The following UBE2R2 variants were observed in gnomAD, a reference collection of about 807,000 sequenced individuals.
UBE2R2 encodes ubiquitin-conjugating enzyme E2 R2.
A neutral mutation model predicts 27.8 loss-of-function variants in UBE2R2; 1 was observed. That is an observed-to-expected ratio of 0.04 (90% confidence interval 0.01 to 0.17). The LOEUF is 0.17. Among genes scored for constraint, UBE2R2 ranks in the 10% least tolerant of loss-of-function variants. The pLI, the probability that UBE2R2 is intolerant of heterozygous loss-of-function variation, is 1.00. For missense variants in UBE2R2, 100 were observed against 291.0 expected (o/e 0.34, Z 4.78); for synonymous variants, 106 against 113.3 (o/e 0.94, Z 0.41).
At chr9:33,892,717 A>C (rs1395442288) in intron 2 of UBE2R2, among the ~76,000 whole-genome samples, 1 of 152,150 alleles carries the variant, frequency 6.6e-6, no homozygotes, top group Non-Finnish European at 1.5e-5. Context: ...TTCTCTTAAC[A>C]TTTTAAGATA....
rs879525855 is a variant in UBE2R2, at chr9:33,917,072, C to T, written c.552C>T (p.Pro184=). ...CAGAAAAGGATGGAGTGAAGGTCCCCACAACCCTGGCGGAATACTGCATCA... is the reference window on the plus strand; with the variant it reads ...CAGAAAAGGATGGAGTGAAGGTCCCTACAACCCTGGCGGAATACTGCATCA... ...AEAEKDGVKV[P]TTLAEYCIKT... is the part of the protein sequence containing the mutation. The change falls in exon 5 of 5, where the codon CCC becomes CCT. Residue 184 remains proline, a synonymous_variant. Transcript: ENST00000263228. The T allele has an allele frequency of 4.3e-6, 7 of 1,614,226 alleles. No individual in the cohort carries two copies. The highest frequency in any genetic ancestry group is 5.9e-6 in the Non-Finnish European group (7 of 1,180,040).
chr9:33,817,274 CGCT>C lies in UBE2R2; in HGVS notation c.-483_-481del, dbSNP rs1825807017. Among the ~76,000 whole-genome samples, 1 of 148,582 alleles carries C rather than the reference CGCT, an allele frequency of 6.7e-6. No homozygotes were observed. The highest frequency in any genetic ancestry group is 1.5e-5 in the Non-Finnish European group (1 of 66,544). On this transcript the variant is annotated 5_prime_UTR_variant, in exon 1 of 5. Coordinates refer to ENST00000263228, the MANE Select transcript of UBE2R2 (RefSeq NM_017811.4). ...CCACCGCCGCGAGACCCCCGCACGC[CGCT>C]CTCCCCCCACCCTCTCCTGCCCCGC...
intron 1 of UBE2R2, among the ~76,000 whole-genome samples, chr9:33,837,414 C>G (rs1301238843): frequency 1.4e-5 from 2 of 139,176 alleles, no homozygotes; most frequent in African/African-American, 5.4e-5. Flanking sequence ...TAGGCAGCTG[C>G]TGCTTCTTTT....
Position 33,817,699 on chromosome 9 carries a change from C to G in UBE2R2, c.-59C>G. Reference sequence around the variant, plus strand: ...CGGAGGGGAGGGGCCTGGTCCGGCCCGGCCGGTGCGTGAGGACTGGGGCCC... The same window carrying G: ...CGGAGGGGAGGGGCCTGGTCCGGCCGGGCCGGTGCGTGAGGACTGGGGCCC... On this transcript the variant is annotated 5_prime_UTR_variant, in exon 1 of 5. Transcript: ENST00000263228. 7.5e-7 allele frequency: 1 copy of G among 1,341,060 alleles called. No homozygotes were observed. Among genetic ancestry groups the G allele is most frequent in the East Asian group, 3.5e-5 (1 of 28,176 alleles). The allele number at this position is 1,341,060 out of a possible 1,614,324, so 83.1% of individuals were successfully genotyped here.
intron 1 of UBE2R2, among the ~76,000 whole-genome samples, chr9:33,859,718 G>T (rs1346089882): frequency 6.7e-6 from 1 of 150,014 alleles, no homozygotes; most frequent in Non-Finnish European, 1.5e-5. Flanking sequence ...TTAAATGTAG[G>T]TTTAATGTTT....
At chr9:33,869,637 C>T (rs559553687) in intron 1 of UBE2R2, among the ~76,000 whole-genome samples, 17 of 151,740 alleles carry the variant, frequency 1.1e-4, no homozygotes, top group Admixed American at 5.3e-4. Flanking sequence ...TTAGTAGAGA[C>T]GGGGTTTTCA....
intron 1 of UBE2R2, chr9:33,831,114 A>C (rs1294339616): frequency 6.6e-6 from 1 of 150,486 alleles, no homozygotes; most frequent in Non-Finnish European, 1.5e-5. Context: ...GTAAAGTTAT[A>C]AAAACTTGGA....
rs1227586859 is a variant in UBE2R2, at chr9:33,817,757, G to C, written c.-1G>C. 2.6e-6 allele frequency: 4 copies of C among 1,539,446 alleles called. No homozygotes were observed. The highest frequency in any genetic ancestry group is 3.5e-6 in the Non-Finnish European group (4 of 1,145,612). ...GCGCCGCCGCCGCCGCCGCCGCCGC[G>C]ATGGCCCAGCAGCAGATGACCAGCT... On this transcript the variant is annotated 5_prime_UTR_variant, in exon 1 of 5. Coordinates refer to ENST00000263228, the MANE Select transcript of UBE2R2 (RefSeq NM_017811.4).
intron 1 of UBE2R2, among the ~76,000 whole-genome samples, chr9:33,827,010 G>C (rs961590104): frequency 6.6e-6 from 1 of 152,150 alleles, no homozygotes; most frequent in African/African-American, 2.4e-5. Context: ...TTGAACCCAG[G>C]CCAATCGCTT....
At chr9:33,909,569 A>AGTC (rs1446502405) in intron 3 of UBE2R2, among the ~76,000 whole-genome samples, 1 of 152,180 alleles carries the variant, frequency 6.6e-6, no homozygotes, top group Non-Finnish European at 1.5e-5. Flanking sequence ...GTACTTAAGG[A>AGTC]GTCCAAGGCA....
chr9:33,854,449 A>G (rs1821050607), intron 1 of UBE2R2, among the ~76,000 whole-genome samples: 2 of 151,986 alleles, frequency 1.3e-5, no homozygotes, highest in Non-Finnish European at 2.9e-5. Context: ...CCTCCCAAGT[A>G]GCTGTGGTTA....
At chr9:33,871,135 T>C (rs1821476411) in intron 1 of UBE2R2, among the ~76,000 whole-genome samples, 1 of 152,256 alleles carries the variant, frequency 6.6e-6, no homozygotes, top group Non-Finnish European at 1.5e-5. Flanking sequence ...TATTTCACTG[T>C]GCTCTTTAAG....
intron 1 of UBE2R2, among the ~76,000 whole-genome samples, chr9:33,861,110 C>T (rs1821225188): frequency 6.6e-6 from 1 of 151,534 alleles, no homozygotes; most frequent in Admixed American, 6.6e-5. Context: ...AGGCGCCCGC[C>T]ACCACGCCCG....
At position 33,915,419 on chromosome 9, in the gene UBE2R2, A is replaced by G. The variant is rs140226280; in HGVS notation, c.498-1599A>G. ...TTTATATAAGCCAAGAGCTGTCAGC[A>G]TAAAGGGAGTGGTGGTTAAAATTAT... On this transcript the variant is annotated intron_variant, in intron 4 of 4. Transcript: ENST00000263228. Among the ~76,000 whole-genome samples, 5 of 152,332 alleles carry G rather than the reference A, an allele frequency of 3.3e-5. No homozygotes were observed. The East Asian group carries it at 5.8e-4, about 18-fold the overall frequency.
intron 4 of UBE2R2, among the ~76,000 whole-genome samples, chr9:33,912,469 C>T (rs1461769823): frequency 6.6e-6 from 1 of 151,804 alleles, no homozygotes; most frequent in Non-Finnish European, 1.5e-5. Context: ...ACTAAAAATA[C>T]AAAAATTAGC....
Position 33,917,006 on chromosome 9 carries a change from AC to A in UBE2R2, c.498-10del. 1.2e-6 allele frequency: 2 copies of A among 1,613,944 alleles called. No individual in the cohort carries two copies. Among genetic ancestry groups the A allele is most frequent in the Non-Finnish European group, 1.7e-6 (2 of 1,179,978 alleles). On this transcript the variant is annotated splice_polypyrimidine_tract_variant and intron_variant, in intron 4 of 4. Coordinates refer to ENST00000263228, the MANE Select transcript of UBE2R2 (RefSeq NM_017811.4). ...CTTACCGTAAACCATTTCTGTGTCA[AC>A]CTCCCTTCAGGAAACAAGTTTCAGC...
At chr9:33,883,350 T>A (rs1821774651) in intron 1 of UBE2R2, among the ~76,000 whole-genome samples, 1 of 152,186 alleles carries the variant, frequency 6.6e-6, no homozygotes, top group Non-Finnish European at 1.5e-5. Flanking sequence ...CCATTTTGGA[T>A]GCCTATGGCA....
At chr9:33,909,904 G>A (rs1318560500) in intron 3 of UBE2R2, among the ~76,000 whole-genome samples, 2 of 152,202 alleles carry the variant, frequency 1.3e-5, no homozygotes, top group East Asian at 1.9e-4. Context: ...GAAATTCTTC[G>A]CCTTTTTAAG....
At chr9:33,911,689 C>T (rs1341580284) in intron 3 of UBE2R2, among the ~76,000 whole-genome samples, 1 of 152,130 alleles carries the variant, frequency 6.6e-6, no homozygotes, top group African/African-American at 2.4e-5. Context: ...TACCCTTATA[C>T]TAGAATCACA....
Sources: gnomAD v4.1 joint callset for allele counts (sites outside exome capture counted in the v4.1 genomes callset) on GRCh38, gnomAD v4.1.1 for gene constraint, MANE v1.5 for transcripts, NCBI Gene and HGNC (gene_info 2026-07-23, HGNC 2026-07-21) for gene names.